EYS: variants seen among roughly 807,000 people sequenced by gnomAD.
The protein encoded by EYS is EGF-like photoreceptor maintenance factor.
Under a neutral mutation model 282.1 loss-of-function variants are expected in EYS, and 250 were observed. That is an observed-to-expected ratio of 0.89 (90% CI 0.80 to 0.98). The LOEUF is 0.98. Ranked by LOEUF, EYS falls within the 50% of genes least tolerant of loss-of-function variation. The pLI, the probability that EYS is intolerant of heterozygous loss-of-function variation, is 0.00. For synonymous variants in EYS, 1,355 were observed against 1,282.9 expected (o/e 1.06, Z -1.20); for missense variants, 4,016 against 3,709.0 (o/e 1.08, Z -2.15).
intron 2 of EYS, among the ~76,000 whole-genome samples, chr6:65,585,951 T>TA (rs1765029123): frequency 6.6e-6 from 1 of 152,048 alleles, no homozygotes; most frequent in Non-Finnish European, 1.5e-5. Flanking sequence ...CCATTACTTT[T>TA]AAAGGCAAAA....
intron 26 of EYS, among the ~76,000 whole-genome samples, chr6:64,560,429 A>G (rs912051998): frequency 1.3e-5 from 2 of 152,092 alleles, no homozygotes; most frequent in African/African-American, 4.8e-5. Context: ...TTTTTCTTAA[A>G]GAAAACACTG....
chr6:63,930,767 G>T (rs1428759672), intron 35 of EYS, among the ~76,000 whole-genome samples: 2 of 152,086 alleles, frequency 1.3e-5, no homozygotes. Flanking sequence ...CAGGAAAGTG[G>T]TGAGTGTTCT....
intron 23 of EYS, among the ~76,000 whole-genome samples, chr6:64,621,590 C>T (rs964912417): frequency 7.2e-5 from 11 of 152,104 alleles, no homozygotes; most frequent in Admixed American, 6.6e-4. Flanking sequence ...TATTCTGTAT[C>T]TCTTTTGTTC....
intron 30 of EYS, among the ~76,000 whole-genome samples, chr6:64,236,727 T>TC (rs1766616938): frequency 2.0e-5 from 3 of 151,432 alleles, no homozygotes; most frequent in Non-Finnish European, 4.4e-5. Flanking sequence ...TCCTTTTTTT[T>TC]CAATTTGCTT....
chr6:64,619,854 T>G (rs1767389402), intron 23 of EYS, among the ~76,000 whole-genome samples: 1 of 152,050 alleles, frequency 6.6e-6, no homozygotes, highest in Admixed American at 6.6e-5. Context: ...GGAAACAGCC[T>G]GAGAGAAGAT....
chr6:64,754,775 C>G (rs1033979847), intron 22 of EYS, among the ~76,000 whole-genome samples: 1 of 152,066 alleles, frequency 6.6e-6, no homozygotes, highest in Non-Finnish European at 1.5e-5. Flanking sequence ...CCCTCAACAA[C>G]TAAGCTTGAA....
intron 35 of EYS, among the ~76,000 whole-genome samples, chr6:63,909,781 T>C (rs1324878230): frequency 6.6e-6 from 1 of 152,186 alleles, no homozygotes. Flanking sequence ...CCCCCAGAAA[T>C]TCCTATTAAG....
intron 12 of EYS, among the ~76,000 whole-genome samples, chr6:65,240,144 ATTTTTAGTAGAGACGGGGTTTCAC>A (rs1767022145): frequency 6.6e-6 from 1 of 151,712 alleles, no homozygotes; most frequent in South Asian, 2.1e-4. Context: ...AATTTTTTGT[ATTTTTAGTAGAGACGGGGTTTCAC>A]CATGTTAGTC....
At chr6:63,817,083 T>A (rs1771197351) in intron 36 of EYS, among the ~76,000 whole-genome samples, 1 of 152,212 alleles carries the variant, frequency 6.6e-6, no homozygotes, top group Non-Finnish European at 1.5e-5. Context: ...GTTACTAAAC[T>A]CAAATGCTTT....
rs1342009710 is a variant in EYS at position 63,806,305 on chromosome 6, A to G, written c.7296T>C (p.Tyr2432=). 5 of 1,551,766 alleles carry G rather than the reference A, an allele frequency of 3.2e-6. No homozygotes were observed. Among genetic ancestry groups the G allele is most frequent in the Admixed American group, 2.0e-5 (1 of 51,010 alleles). Residue 2432 remains tyrosine (Y), a synonymous_variant, in exon 37 of 43, where the codon TAT becomes TAC. Transcript: ENST00000503581. The stretch of plus-strand genomic sequence containing the variant: ...GGAAGCTGATGTCTGAGATCCGTGA[A>G]TAAGCCAGGAATGAGGTGTATCCAA... ...DAFGYTSFLA[Y]SRISDISFHY...
chr6:65,645,217 C>T (rs990194158), intron 1 of EYS, among the ~76,000 whole-genome samples: 7 of 152,252 alleles, frequency 4.6e-5, no homozygotes, highest in East Asian at 1.9e-4. Context: ...TTCTACCCAA[C>T]AACTGCAGGA....
intron 1 of EYS, among the ~76,000 whole-genome samples, chr6:65,683,550 T>C (rs746367605): frequency 3.3e-5 from 5 of 152,056 alleles, no homozygotes; most frequent in Non-Finnish European, 7.4e-5. Flanking sequence ...TCTTTCAAAA[T>C]AACAACACTA....
intron 26 of EYS, among the ~76,000 whole-genome samples, chr6:64,517,096 G>T (rs1321171558): frequency 6.6e-6 from 1 of 151,742 alleles, no homozygotes. Flanking sequence ...ATTATATACT[G>T]TCATATCTTG....
chr6:63,783,017 G>A (rs1339017017), intron 39 of EYS, among the ~76,000 whole-genome samples: 5 of 150,258 alleles, frequency 3.3e-5, no homozygotes, highest in African/African-American at 1.2e-4. Flanking sequence ...TTCCCATATG[G>A]GCTCTTCTTT....
At chr6:63,871,429 G>A (rs1036164480) in intron 35 of EYS, among the ~76,000 whole-genome samples, 10 of 152,258 alleles carry the variant, frequency 6.6e-5, no homozygotes, top group African/African-American at 2.2e-4. Flanking sequence ...GGGAGGCTGA[G>A]GTGGGCAGAT....
At chr6:65,214,158 CAAAAAAAAAAA>C (rs58213904) in intron 12 of EYS, among the ~76,000 whole-genome samples, 5 of 29,254 alleles carry the variant, frequency 1.7e-4, no homozygotes, top group Non-Finnish European at 2.7e-4. Context: ...GACTCCGTCT[CAAAAAAAAAAA>C]AAAAAAAAAA....
At chr6:64,620,196 C>T (rs1767400384) in intron 23 of EYS, among the ~76,000 whole-genome samples, 1 of 152,080 alleles carries the variant, frequency 6.6e-6, no homozygotes, top group Non-Finnish European at 1.5e-5. Flanking sequence ...TGGAAGATGT[C>T]CCCTCAGTCA....
intron 29 of EYS, among the ~76,000 whole-genome samples, chr6:64,321,146 C>T (rs1374505883): frequency 6.6e-6 from 1 of 151,638 alleles, no homozygotes; most frequent in Non-Finnish European, 1.5e-5. Flanking sequence ...GTTTATGCTT[C>T]AATGATTGCC....
chr6:64,996,035 A>G (rs1771250677), intron 14 of EYS, among the ~76,000 whole-genome samples: 1 of 152,130 alleles, frequency 6.6e-6, no homozygotes, highest in South Asian at 2.1e-4. Context: ...TGCCAAAATC[A>G]CAACCTAAAA....
Sources: allele counts gnomAD v4.1 joint callset (sites outside exome capture counted in the v4.1 genomes callset), GRCh38; gene constraint gnomAD v4.1.1; transcripts MANE v1.5; gene names NCBI Gene and HGNC (gene_info 2026-07-23, HGNC 2026-07-21).